EGFLAM: variants seen among roughly 807,000 people sequenced by gnomAD.
EGFLAM encodes pikachurin.
In EGFLAM, 79 loss-of-function variants were observed where a neutral mutation model predicts 113.1. That is an observed-to-expected ratio of 0.70 (90% confidence interval 0.58 to 0.84). The LOEUF is 0.84. Ranked by LOEUF, EGFLAM falls within the 40% of genes least tolerant of loss-of-function variation. The pLI, the probability that EGFLAM is intolerant of heterozygous loss-of-function variation, is 0.00. For synonymous variants in EGFLAM, 504 were observed against 487.6 expected, an observed-to-expected ratio of 1.03 and a Z score of -0.44; for missense variants, 1,265 against 1,291.6, an observed-to-expected ratio of 0.98 and a Z score of 0.32.
At chr5:38,377,127 CT>C (rs35290896) in intron 6 of EGFLAM, among the ~76,000 whole-genome samples, 36,908 of 147,112 alleles carry the variant, frequency 0.25, 4,593 homozygotes, top group African/African-American at 0.32. Flanking sequence ...GTTGTGTTCT[CT>C]TTTTTTTTTT....
intron 1 of EGFLAM, among the ~76,000 whole-genome samples, chr5:38,332,246 A>G (rs1739062243): frequency 6.6e-6 from 1 of 152,118 alleles, no homozygotes; most frequent in Admixed American, 6.6e-5. Context: ...GATGTCTGTT[A>G]AGGTCTTGGT....
Position 38,412,618 on chromosome 5 carries a change from C to T in EGFLAM, c.1464C>T (p.Asn488=), listed in dbSNP as rs1178776107. The T allele has an allele frequency of 6.2e-7, 1 of 1,613,992 alleles. No individual in the cohort carries two copies. Among genetic ancestry groups the T allele is most frequent in the South Asian group, 1.1e-5 (1 of 91,084 alleles). ...GGCTGAACGGGCTGCTGCAGCTGAA[C>T]AATGGCACCCCAGTGACAGGCCAGT... The part of the protein sequence containing the change: ...RDGLNGLLQL[N]NGTPVTGQSQ... The change falls in exon 11 of 22, where the codon AAC becomes AAT. Residue 488 remains asparagine, a synonymous_variant. Transcript: ENST00000322350.
intron 9 of EGFLAM, 83 bp downstream of exon 9, chr5:38,407,988 A>T (rs907239966): frequency 1.8e-6 from 2 of 1,132,514 alleles, no homozygotes; most frequent in African/African-American, 1.5e-5. Context: ...GGGGGAGAGG[A>T]AGCGGGGCAG....
chr5:38,267,976 C>A (rs895172089), intron 1 of EGFLAM, among the ~76,000 whole-genome samples: 1 of 152,122 alleles, frequency 6.6e-6, no homozygotes, highest in Non-Finnish European at 1.5e-5. Context: ...GAGTAAGAAT[C>A]CAGCAACTCC....
At chr5:38,352,170 C>G in intron 4 of EGFLAM, 26 bp from the exon 5 acceptor site, 1 of 1,613,760 alleles carries the variant, frequency 6.2e-7, no homozygotes, top group East Asian at 2.2e-5. Context: ...CCAGCCTAGT[C>G]TAGTTGTGTT....
intron 16 of EGFLAM, among the ~76,000 whole-genome samples, chr5:38,436,994 G>C (rs1046656615): frequency 3.3e-5 from 5 of 152,210 alleles, no homozygotes; most frequent in African/African-American, 1.2e-4. Flanking sequence ...TGGGCAGTGG[G>C]GGTTCCCCTG....
rs560854280 is a variant in EGFLAM at position 38,275,305 on chromosome 5, A to G, written c.97+16454A>G. Among the ~76,000 whole-genome samples, 53 of 152,348 alleles carry G rather than the reference A, an allele frequency of 3.5e-4. 1 individual carries two copies. The South Asian group carries it at 0.011, about 31-fold the overall frequency. On this transcript the variant is annotated intron_variant, in intron 1 of 21. Transcript: ENST00000322350. ...GTGGCTTGAAAAACAAGACCCATCT[A>G]TGCACTGCTTATAAGAGGCTCACTT... is the stretch of plus-strand genomic sequence containing the variant.
chr5:38,344,098 A>G (rs1739414298), intron 3 of EGFLAM, among the ~76,000 whole-genome samples: 1 of 152,242 alleles, frequency 6.6e-6, no homozygotes, highest in Non-Finnish European at 1.5e-5. Context: ...GCATCATGTA[A>G]GGAGGTAAAG....
intron 7 of EGFLAM, 142 bp from the exon 8 acceptor site, chr5:38,406,686 A>C (rs1741296206): frequency 1.4e-6 from 1 of 710,960 alleles, no homozygotes; most frequent in Non-Finnish European, 2.3e-6. Context: ...CATAAATTAG[A>C]GTCAGTGCTG....
intron 5 of EGFLAM, among the ~76,000 whole-genome samples, chr5:38,368,617 C>T (rs1366285): frequency 0.3 from 44,851 of 152,018 alleles, 7,104 homozygotes; most frequent in African/African-American, 0.41. Flanking sequence ...TTGTTTCCTG[C>T]CTTCCTCTAA....
At chr5:38,461,858 G>A (rs1743285181) in intron 20 of EGFLAM, among the ~76,000 whole-genome samples, 1 of 152,106 alleles carries the variant, frequency 6.6e-6, no homozygotes, top group Admixed American at 6.5e-5. Context: ...GGGCTCTGTG[G>A]GTCCTTTAGA....
At chr5:38,309,073 T>A (rs1167177359) in intron 1 of EGFLAM, among the ~76,000 whole-genome samples, 1 of 152,258 alleles carries the variant, frequency 6.6e-6, no homozygotes, top group African/African-American at 2.4e-5. Context: ...AAAAATTAAA[T>A]TATGTTATAT....
At chr5:38,308,458 C>A (rs765173973) in intron 1 of EGFLAM, among the ~76,000 whole-genome samples, 1 of 152,148 alleles carries the variant, frequency 6.6e-6, no homozygotes, top group Non-Finnish European at 1.5e-5. Flanking sequence ...GGAAGAACAC[C>A]AATTTTGGAA....
chr5:38,269,577 C>T (rs1423037279), intron 1 of EGFLAM, among the ~76,000 whole-genome samples: 1 of 151,698 alleles, frequency 6.6e-6, no homozygotes, highest in African/African-American at 2.4e-5. Context: ...GCAAGCTCCG[C>T]CTCGCAGGTT....
intron 6 of EGFLAM, among the ~76,000 whole-genome samples, chr5:38,402,894 A>G (rs1313056227): frequency 2.0e-5 from 3 of 152,170 alleles, no homozygotes; most frequent in Non-Finnish European, 4.4e-5. Flanking sequence ...GATTTTTCAG[A>G]TAGGAAATCA....
intron 16 of EGFLAM, 126 bp from the exon 17 acceptor site, chr5:38,438,149 T>A: frequency 1.2e-6 from 1 of 842,322 alleles, no homozygotes; most frequent in Non-Finnish European, 1.6e-6. Flanking sequence ...AAGTGGAAAC[T>A]GGACTTAAAA....
chr5:38,296,178 T>G (rs956709670), intron 1 of EGFLAM, among the ~76,000 whole-genome samples: 1 of 152,132 alleles, frequency 6.6e-6, no homozygotes, highest in Non-Finnish European at 1.5e-5. Context: ...GGGTTCAGGT[T>G]AGGAAGAAGA....
intron 15 of EGFLAM, among the ~76,000 whole-genome samples, chr5:38,431,717 C>T (rs1198276527): frequency 6.6e-6 from 1 of 152,130 alleles, no homozygotes; most frequent in Non-Finnish European, 1.5e-5. Context: ...CAATTACTTA[C>T]CAGTGGTGTG....
chr5:38,299,954 TATACTC>T (rs1192462332), intron 1 of EGFLAM, among the ~76,000 whole-genome samples: 6 of 152,314 alleles, frequency 3.9e-5, no homozygotes, highest in African/African-American at 1.4e-4. Context: ...CCATAGAACT[TATACTC>T]AAGCAGAAAA....
Sources: allele counts gnomAD v4.1 joint callset (sites outside exome capture counted in the v4.1 genomes callset), GRCh38; gene constraint gnomAD v4.1.1; transcripts MANE v1.5; gene names NCBI Gene and HGNC (gene_info 2026-07-23, HGNC 2026-07-21).